Variants in NOL10 observed in about 807,000 individuals in gnomAD.
NOL10 encodes the protein H_NH0074G24.1.
In NOL10, 58 loss-of-function variants were observed where a neutral mutation model predicts 103.5. The ratio of observed to expected loss-of-function variants is 0.56; its 90% confidence interval spans 0.45 to 0.70. The LOEUF is 0.70. NOL10 is among the 30% of genes least tolerant of loss of function. NOL10 has a pLI of 0.00. For synonymous variants in NOL10, 287 were observed against 282.5 expected (o/e 1.02, Z -0.16); for missense variants, 763 against 807.3 (o/e 0.95, Z 0.67).
intron 13 of NOL10, among the ~76,000 whole-genome samples, chr2:10,607,935 C>T (rs1676344364): frequency 6.6e-6 from 1 of 151,948 alleles, no homozygotes; most frequent in African/African-American, 2.4e-5. Context: ...GCATGGTCCA[C>T]TTCATTTAAT....
chr2:10,624,688 G>A (rs940522998), intron 13 of NOL10, among the ~76,000 whole-genome samples: 1 of 151,860 alleles, frequency 6.6e-6, no homozygotes, highest in African/African-American at 2.4e-5. Context: ...ATACAAAAAG[G>A]TATGGGCACT....
chr2:10,678,215 AT>A (rs60430084), intron 3 of NOL10, among the ~76,000 whole-genome samples: 48,335 of 149,808 alleles, frequency 0.32, 8,426 homozygotes, highest in South Asian at 0.49. Context: ...CTTTCAGCTA[AT>A]TTTTTTTTTA....
Position 10,654,499 on chromosome 2 carries a change from AAAC to A in NOL10, c.952_954del (p.Val318del). Reference sequence around the variant, plus strand: ...TGCATACCTGAGTTGGGGTAGAGACAAACATCATTAAGGTCATGCTCTGGCTCC... The same window carrying A: ...TGCATACCTGAGTTGGGGTAGAGACAATCATTAAGGTCATGCTCTGGCTCC... On this transcript the variant is annotated inframe_deletion, in exon 12 of 21. Coordinates refer to ENST00000381685, the MANE Select transcript of NOL10 (RefSeq NM_024894.4). The A allele has an allele frequency of 6.2e-7, 1 of 1,602,142 alleles. No homozygotes were observed. The highest frequency in any genetic ancestry group is 8.5e-7 in the Non-Finnish European group (1 of 1,176,962).
chr2:10,576,898 C>T (rs959548304), intron 20 of NOL10, among the ~76,000 whole-genome samples: 7 of 149,232 alleles, frequency 4.7e-5, no homozygotes, highest in Admixed American at 2.7e-4. Context: ...AATAATCTCC[C>T]TACTACTGCT....
intron 19 of NOL10, among the ~76,000 whole-genome samples, chr2:10,587,238 TACATAC>T (rs1675144768): frequency 1.1e-4 from 5 of 47,614 alleles, no homozygotes; most frequent in African/African-American, 5.1e-4. Context: ...CATATATATA[TACATAC>T]ATATATATAT....
chr2:10,648,891 A>G (rs1158247795), intron 12 of NOL10, among the ~76,000 whole-genome samples: 1 of 152,186 alleles, frequency 6.6e-6, no homozygotes, highest in African/African-American at 2.4e-5. Context: ...ATTGAAAGAA[A>G]CTAAAGATAC....
At chr2:10,626,835 A>C (rs1243646966) in intron 13 of NOL10, among the ~76,000 whole-genome samples, 3 of 152,262 alleles carry the variant, frequency 2.0e-5, no homozygotes, top group Non-Finnish European at 2.9e-5. Flanking sequence ...CATCTGATAC[A>C]CTAACACAAT....
chr2:10,589,907 C>T (rs565047724), intron 17 of NOL10, 156 bp from the exon 18 acceptor site: 17 of 460,594 alleles, frequency 3.7e-5, no homozygotes, highest in Middle Eastern at 1.2e-3. Flanking sequence ...GGACTTTCAA[C>T]GTGCCCCTAG....
At position 10,618,155 on chromosome 2, in the gene NOL10, G is replaced by A. The variant is rs371521267; in HGVS notation, c.1027-10844C>T. 1.5e-3 allele frequency among the ~76,000 whole-genome samples: 230 copies of A among 152,102 alleles called. 4 individuals carry two copies. The Middle Eastern group carries it at 0.021, about 14-fold the overall frequency. ...GCCTCCCGAATAGCTGGGATTATGG[G>A]TGGGTACCACAGAGCCTGGCTTAGG... On this transcript the variant is annotated intron_variant, in intron 13 of 20. Transcript: ENST00000381685.
intron 13 of NOL10, among the ~76,000 whole-genome samples, chr2:10,635,485 G>A (rs1678142585): frequency 2.0e-5 from 3 of 152,168 alleles, no homozygotes; most frequent in Non-Finnish European, 1.5e-5. Context: ...ATGAAGGTGG[G>A]GGAGATTTTT....
chr2:10,682,097 T>G, intron 2 of NOL10, 28 bp from the exon 3 acceptor site: 2 of 1,047,642 alleles, frequency 1.9e-6, no homozygotes, highest in South Asian at 3.8e-5. Context: ...AACAACTAGT[T>G]TAACTAACAT....
intron 20 of NOL10, among the ~76,000 whole-genome samples, chr2:10,573,149 A>G (rs2148134002): frequency 6.6e-6 from 1 of 152,062 alleles, no homozygotes. Flanking sequence ...ATAAAGCGGA[A>G]AAGCACCGTC....
intron 20 of NOL10, among the ~76,000 whole-genome samples, chr2:10,576,307 C>G (rs976264979): frequency 3.3e-5 from 5 of 152,178 alleles, no homozygotes; most frequent in African/African-American, 4.8e-5. Context: ...AGAAAACAGT[C>G]TGACAGGTTT....
intron 12 of NOL10, among the ~76,000 whole-genome samples, 163 bp downstream of exon 12, chr2:10,654,318 T>C (rs968782579): frequency 6.6e-6 from 1 of 152,194 alleles, no homozygotes; most frequent in Non-Finnish European, 1.5e-5. Context: ...TCTAAGTAAG[T>C]TAAATATCCA....
At chr2:10,678,188 A>C (rs746619072) in intron 3 of NOL10, among the ~76,000 whole-genome samples, 6 of 151,336 alleles carry the variant, frequency 4.0e-5, no homozygotes, top group Non-Finnish European at 8.8e-5. Context: ...AGCTGACACT[A>C]CAGGTGCACA....
At chr2:10,625,581 A>C (rs1050025373) in intron 13 of NOL10, among the ~76,000 whole-genome samples, 4 of 152,226 alleles carry the variant, frequency 2.6e-5, no homozygotes, top group Admixed American at 6.5e-5. Flanking sequence ...TCAAGAAGGT[A>C]AACATATAAT....
At chr2:10,673,488 T>C (rs1211667474) in intron 5 of NOL10, 32 bp downstream of exon 5, 3 of 1,434,958 alleles carry the variant, frequency 2.1e-6, no homozygotes, top group African/African-American at 2.9e-5. Context: ...TTCTTGGGTC[T>C]AGTCAGTACA....
intron 13 of NOL10, among the ~76,000 whole-genome samples, chr2:10,615,167 T>TAAATGTACTCTACACTAC (rs1362271123): frequency 1.3e-5 from 2 of 152,272 alleles, no homozygotes; most frequent in Non-Finnish European, 2.9e-5. Context: ...ATGAGTCATT[T>TAAATGTACTCTACACTAC]AAATGTACTC....
intron 20 of NOL10, among the ~76,000 whole-genome samples, chr2:10,574,814 T>A (rs972629905): frequency 3.3e-5 from 5 of 152,246 alleles, no homozygotes; most frequent in Non-Finnish European, 7.3e-5. Flanking sequence ...GCAAAAGTAA[T>A]CTTCCAGAGT....
Sources: gnomAD v4.1 joint callset for allele counts (sites outside exome capture counted in the v4.1 genomes callset) on GRCh38, gnomAD v4.1.1 for gene constraint, MANE v1.5 for transcripts, NCBI Gene and HGNC (gene_info 2026-07-23, HGNC 2026-07-21) for gene names.